AKAP6: variants seen among roughly 807,000 people sequenced by gnomAD.
The protein encoded by AKAP6 is A-kinase anchor protein 6.
A neutral mutation model predicts 188.5 loss-of-function variants in AKAP6; 58 were observed. The observed-to-expected ratio is 0.31, with a 90% CI of 0.25 to 0.38. The LOEUF (loss-of-function observed/expected upper bound fraction) is 0.38, where lower values mean the gene tolerates loss of function less well. AKAP6 is among the 10% of genes least tolerant of loss of function. The pLI, the probability that AKAP6 is intolerant of heterozygous loss-of-function variation, is 1.00. For synonymous variants in AKAP6, 989 were observed against 998.6 expected (o/e 0.99, Z 0.18); for missense variants, 2,710 against 2,740.0 (o/e 0.99, Z 0.24).
chr14:32,713,213 ATATAG>A (rs1256440831), intron 9 of AKAP6, among the ~76,000 whole-genome samples: 1 of 152,042 alleles, frequency 6.6e-6, no homozygotes, highest in Non-Finnish European at 1.5e-5. Flanking sequence ...GGCTTAAAAT[ATATAG>A]TAAACTGTGC....
At chr14:32,559,901 T>C (rs993563116) in intron 4 of AKAP6, among the ~76,000 whole-genome samples, 5 of 150,842 alleles carry the variant, frequency 3.3e-5, no homozygotes, top group Non-Finnish European at 7.4e-5. Flanking sequence ...AGACATGTGG[T>C]AAAAGGGTCT....
intron 4 of AKAP6, among the ~76,000 whole-genome samples, chr14:32,552,589 G>GA: frequency 6.7e-6 from 1 of 150,058 alleles, no homozygotes. Context: ...AAGACCTTAG[G>GA]AAAAAAACAG....
intron 9 of AKAP6, among the ~76,000 whole-genome samples, chr14:32,710,566 T>G (rs530047079): frequency 7.8e-4 from 119 of 151,776 alleles, no homozygotes; most frequent in Non-Finnish European, 1.3e-3. Context: ...CTCTGCAAGA[T>G]AAATGGGAGG....
intron 1 of AKAP6, among the ~76,000 whole-genome samples, chr14:32,348,568 C>T (rs561789490): frequency 3.3e-5 from 5 of 152,092 alleles, no homozygotes; most frequent in Non-Finnish European, 5.9e-5. Context: ...GCGTGCTCCA[C>T]CACGCATGCT....
intron 9 of AKAP6, among the ~76,000 whole-genome samples, chr14:32,724,311 A>G (rs989625156): frequency 6.6e-6 from 1 of 152,204 alleles, no homozygotes; most frequent in Non-Finnish European, 1.5e-5. Flanking sequence ...TTAAACAATG[A>G]TCTTTACATA....
chr14:32,490,805 C>G (rs1051630247), intron 2 of AKAP6, among the ~76,000 whole-genome samples: 3 of 152,154 alleles, frequency 2.0e-5, no homozygotes, highest in Non-Finnish European at 4.4e-5. Flanking sequence ...AGAACTGATT[C>G]TTATTTGTCT....
chr14:32,381,188 A>C (rs1451418160), intron 1 of AKAP6, among the ~76,000 whole-genome samples: 6 of 152,002 alleles, frequency 3.9e-5, no homozygotes, highest in Non-Finnish European at 8.8e-5. Flanking sequence ...AGTACAAAAA[A>C]ATTTAGCTGG....
At chr14:32,420,880 C>A (rs1002360683) in intron 1 of AKAP6, among the ~76,000 whole-genome samples, 1 of 146,050 alleles carries the variant, frequency 6.8e-6, no homozygotes, top group East Asian at 2.1e-4. Context: ...CCTCTGGTAT[C>A]TTTTAAGAAA....
chr14:32,820,940 G>C (rs2034502641), intron 12 of AKAP6, among the ~76,000 whole-genome samples: 1 of 151,990 alleles, frequency 6.6e-6, no homozygotes, highest in Admixed American at 6.5e-5. Flanking sequence ...GAGAACCCAG[G>C]AATAGAGGCA....
At chr14:32,339,317 A>C (rs1886820726) in intron 1 of AKAP6, among the ~76,000 whole-genome samples, 1 of 152,196 alleles carries the variant, frequency 6.6e-6, no homozygotes, top group African/African-American at 2.4e-5. Context: ...GTCCTTTTCA[A>C]GGTATAAACA....
chr14:32,744,780 G>T (rs186566063), intron 11 of AKAP6, among the ~76,000 whole-genome samples: 198 of 152,018 alleles, frequency 1.3e-3, no homozygotes, highest in African/African-American at 4.6e-3. Flanking sequence ...CTGGACCTTG[G>T]AGGCCTACTT....
chr14:32,378,354 G>A (rs769399803), intron 1 of AKAP6, among the ~76,000 whole-genome samples: 20 of 152,302 alleles, frequency 1.3e-4, no homozygotes, highest in Admixed American at 3.9e-4. Flanking sequence ...GAAAATGCTG[G>A]TGGTATTCAT....
intron 4 of AKAP6, among the ~76,000 whole-genome samples, chr14:32,552,530 T>A (rs1883521368): frequency 6.6e-6 from 1 of 151,990 alleles, no homozygotes; most frequent in Non-Finnish European, 1.5e-5. Context: ...TAATAAAGAC[T>A]AAGGGGAAAA....
chr14:32,818,951 T>C (rs1294706483), intron 12 of AKAP6, among the ~76,000 whole-genome samples: 1 of 152,174 alleles, frequency 6.6e-6, no homozygotes, highest in East Asian at 1.9e-4. Context: ...AAGATAGTAT[T>C]TGAAATTAAT....
At chr14:32,483,274 A>T (rs1483150573) in intron 2 of AKAP6, among the ~76,000 whole-genome samples, 3 of 152,104 alleles carry the variant, frequency 2.0e-5, no homozygotes, top group African/African-American at 7.2e-5. Flanking sequence ...TTATTATAAT[A>T]CTTTTTCTTT....
At chr14:32,737,411 A>C (rs189513637) in intron 11 of AKAP6, among the ~76,000 whole-genome samples, 226 of 152,298 alleles carry the variant, frequency 1.5e-3, no homozygotes, top group Admixed American at 3.2e-3. Flanking sequence ...ATGGAAGCAA[A>C]TGTTTGTAAT....
chr14:32,469,542 T>C (rs946523631), intron 2 of AKAP6, among the ~76,000 whole-genome samples: 3 of 152,184 alleles, frequency 2.0e-5, no homozygotes, highest in African/African-American at 7.2e-5. Context: ...TAAATCATTA[T>C]TTGAATGCTG....
In AKAP6 at chr14:32,524,172, A is replaced by T. The variant is rs116641700; in HGVS notation, c.325-11382A>T. The stretch of plus-strand genomic sequence containing the variant: ...GAGCCTGTTTCAAAAAAAAAAATGG[A>T]GAAGAGACTTAAAAGACATATCAAG... On this transcript the variant is annotated intron_variant, in intron 2 of 13. Coordinates refer to ENST00000280979, the MANE Select transcript of AKAP6 (RefSeq NM_004274.5). Among the ~76,000 whole-genome samples, 520 of 151,452 alleles carry T rather than the reference A, an allele frequency of 3.4e-3. 2 individuals are homozygous for T. Among genetic ancestry groups the T allele is most frequent in the African/African-American group, 0.012 (488 of 41,254 alleles).
chr14:32,681,253 G>A (rs1200679917), intron 8 of AKAP6, among the ~76,000 whole-genome samples: 3 of 152,060 alleles, frequency 2.0e-5, no homozygotes, highest in Non-Finnish European at 4.4e-5. Context: ...TTTTTCTAAT[G>A]AATTTCAAAG....
Sources: allele counts gnomAD v4.1 joint callset (sites outside exome capture counted in the v4.1 genomes callset), GRCh38; gene constraint gnomAD v4.1.1; transcripts MANE v1.5; gene names NCBI Gene and HGNC (gene_info 2026-07-23, HGNC 2026-07-21).